Variants in NBPF19 observed in about 807,000 individuals in gnomAD.
The protein encoded by NBPF19 is NBPF member 19.
A neutral mutation model predicts 45.9 loss-of-function variants in NBPF19; 30 were observed. The ratio of observed to expected loss-of-function variants is 0.65; its 90% CI spans 0.49 to 0.89. The LOEUF (loss-of-function observed/expected upper bound fraction) is 0.89, where lower values mean the gene tolerates loss of function less well. Among genes scored for constraint, NBPF19 ranks in the 40% least tolerant of loss-of-function variants. NBPF19 has a pLI of 0.00. For missense variants in NBPF19, 495 were observed against 471.8 expected (o/e 1.05, Z -0.46); for synonymous variants, 183 against 181.2 (o/e 1.01, Z -0.08).
At chr1:149,479,890 T>A (rs2085071243) in intron 4 of NBPF19, among the ~76,000 whole-genome samples, 1 of 150,846 alleles carries the variant, frequency 6.6e-6, no homozygotes, top group Admixed American at 6.6e-5. Flanking sequence ...TGCACAAGCC[T>A]CCAGTGATAT....
intron 8 of NBPF19, among the ~76,000 whole-genome samples, chr1:149,486,513 G>C (rs1480576733): frequency 6.6e-6 from 1 of 151,326 alleles, no homozygotes; most frequent in Non-Finnish European, 1.5e-5. Context: ...GGCCATGCCT[G>C]TGCCAACCTG....
chr1:149,528,935 TTCTC>T (rs1201885403), intron 61 of NBPF19, among the ~76,000 whole-genome samples: 167 of 121,028 alleles, frequency 1.4e-3, no homozygotes, highest in South Asian at 2.6e-3. Flanking sequence ...ACTGAGCTCG[TTCTC>T]TCTCTCTGTG....
At chr1:149,479,401 G>A (rs1165542013) in intron 4 of NBPF19, among the ~76,000 whole-genome samples, 18 of 150,490 alleles carry the variant, frequency 1.2e-4, no homozygotes, top group African/African-American at 4.4e-4. Context: ...AGTGAAAAGA[G>A]CTCTGGGCTA....
chr1:149,554,525 G>T lies in NBPF19; in HGVS notation c.11319G>T (p.Glu3773Asp). The T allele has an allele frequency of 2.5e-6, 4 of 1,608,222 alleles. No homozygotes were observed. Among genetic ancestry groups the T allele is most frequent in the Non-Finnish European group, 3.4e-6 (4 of 1,176,714 alleles). ...ACAGCGTGCTGATGGAAGTGGAAGA[G>T]CCTGAAGTCTTACAGGACTCACTGG... ...RLNSVLMEVE[E>D]PEVLQDSLDG... Residue 3773 changes from glutamate (E) to aspartate (D), a missense_variant, in exon 94 of 94, where the codon GAG becomes GAT. Glu to Asp is a conservative substitution (Grantham distance 45, BLOSUM62 2). Coordinates refer to ENST00000651566, the MANE Select transcript of NBPF19 (RefSeq NM_001351365.2).
chr1:149,478,453 C>A (rs1328397985), intron 3 of NBPF19, among the ~76,000 whole-genome samples: 4 of 151,212 alleles, frequency 2.6e-5, no homozygotes, highest in East Asian at 1.9e-4. Flanking sequence ...TGACCCTGTC[C>A]TTCTTTTCTT....
At chr1:149,484,484 C>T (rs2085394245) in intron 7 of NBPF19, among the ~76,000 whole-genome samples, 1 of 144,082 alleles carries the variant, frequency 6.9e-6, no homozygotes, top group Non-Finnish European at 1.5e-5. Context: ...TACCCTAAGA[C>T]TTAAAGTATT....
In NBPF19 at chr1:149,478,004, G is replaced by T; in HGVS notation, c.235G>T (p.Glu79Ter). 6.6e-7 allele frequency: 1 copy of T among 1,520,612 alleles called. No homozygotes were observed. The highest frequency in any genetic ancestry group is 9.1e-7 in the Non-Finnish European group (1 of 1,103,018). 94.2% of individuals were successfully genotyped at this position (1,520,612 alleles called of 1,614,324 possible). Residue 79 changes from glutamate to a stop codon, truncating the protein, a stop_gained, in exon 3 of 94, where the codon GAG (glutamate) becomes TAG (stop). Transcript: ENST00000651566. LOFTEE classifies it high-confidence loss of function. Reference protein sequence around the residue: ...FMLRNERQFKEEKLAEQLKQA... With the variant: ...FMLRNERQFK ...GCTGAGGAATGAGCGACAGTTCAAG[G>T]AGGAGAAGCTTGCAGAGCAGCTGAA...
rs2087194436 is a variant in NBPF19 at position 149,554,498 on chromosome 1, C to T, written c.11292C>T (p.Leu3764=). 5.0e-6 allele frequency: 8 copies of T among 1,608,080 alleles called. No individual in the cohort carries two copies. Among genetic ancestry groups the T allele is most frequent in the East Asian group, 2.2e-5 (1 of 44,844 alleles). The stretch of plus-strand genomic sequence containing the variant: ...TTAGTTTTGTCTCCTTTTCCAGGCT[C>T]AACAGCGTGCTGATGGAAGTGGAAG... The part of the protein sequence containing the change: ...EEDQNPPCPR[L]NSVLMEVEEP... The change falls in exon 94 of 94, where the codon CTC becomes CTT. Residue 3764 remains leucine, a synonymous_variant. Coordinates refer to ENST00000651566, the MANE Select transcript of NBPF19 (RefSeq NM_001351365.2).
chr1:149,484,487 A>C (rs1301358151), intron 7 of NBPF19, among the ~76,000 whole-genome samples: 1 of 146,096 alleles, frequency 6.8e-6, no homozygotes, highest in Non-Finnish European at 1.5e-5. Flanking sequence ...CCTAAGACTT[A>C]AAGTATTAAA....
At chr1:149,487,802 TG>T (rs2085681864) in intron 9 of NBPF19, among the ~76,000 whole-genome samples, 5 of 149,206 alleles carry the variant, frequency 3.4e-5, no homozygotes, top group African/African-American at 1.2e-4. Context: ...TGTGTGTGTG[TG>T]TGTGTGTGTG....
intron 2 of NBPF19, among the ~76,000 whole-genome samples, chr1:149,477,388 G>A (rs2084906537): frequency 6.6e-6 from 1 of 150,962 alleles, no homozygotes; most frequent in Non-Finnish European, 1.5e-5. Context: ...AAAGTATTTG[G>A]GCATATTTCC....
intron 19 of NBPF19, among the ~76,000 whole-genome samples, chr1:149,495,678 TGC>T (rs1320477111): frequency 6.8e-5 from 3 of 44,264 alleles, no homozygotes. Context: ...TGTGTGTGTG[TGC>T]GTGTGTGTGT....
rs1285007548 is a variant in NBPF19 at position 149,555,121 on chromosome 1, G to C, written c.*383G>C. ...TTAGCTCATCCAAAGGTGTTACCCT[G>C]GTTTCAATGAACCTAACCTCATTCT... On this transcript the variant is annotated 3_prime_UTR_variant, in exon 94 of 94. Coordinates refer to ENST00000651566, the MANE Select transcript of NBPF19 (RefSeq NM_001351365.2). 3.5e-6 allele frequency: 1 copy of C among 286,034 alleles called. No individual in the cohort carries two copies. The highest frequency in any genetic ancestry group is 6.7e-6 in the Non-Finnish European group (1 of 149,522). The allele number at this position is 286,034 out of a possible 1,614,324, so 17.7% of individuals were successfully genotyped here.
chr1:149,487,563 C>A (rs1377171026), intron 9 of NBPF19, among the ~76,000 whole-genome samples, 180 bp downstream of exon 9: 1 of 151,016 alleles, frequency 6.6e-6, no homozygotes, highest in East Asian at 2.0e-4. Context: ...TTTCTTCCTA[C>A]CCTTATCATT....
rs2085594026 is a variant in NBPF19, at chr1:149,487,317, T to G, written c.989-15T>G. On this transcript the variant is annotated splice_polypyrimidine_tract_variant and intron_variant, in intron 8 of 93. Transcript: ENST00000651566. Reference sequence around the variant, plus strand: ...AGAACTTAATGTAAGAGGGCCCATCTGAATTTATTTGCAGGACATCGCTGG... The same window carrying G: ...AGAACTTAATGTAAGAGGGCCCATCGGAATTTATTTGCAGGACATCGCTGG... 1 of 1,559,492 alleles carries G rather than the reference T, an allele frequency of 6.4e-7. No homozygotes were observed. Among genetic ancestry groups the G allele is most frequent in the African/African-American group, 1.4e-5 (1 of 73,690 alleles).
rs2087248700 is a variant in NBPF19, at chr1:149,556,355, A to T, written c.*1617A>T. On this transcript the variant is annotated 3_prime_UTR_variant, in exon 94 of 94. Coordinates refer to ENST00000651566, the MANE Select transcript of NBPF19 (RefSeq NM_001351365.2). ...TGATGTGAATTAATAAAAACATTTCATTTCCATGTTTATTTTCTAATCTCT... is the reference window on the plus strand; with the variant it reads ...TGATGTGAATTAATAAAAACATTTCTTTTCCATGTTTATTTTCTAATCTCT... The T allele has an allele frequency of 2.0e-5, 3 of 150,174 alleles. No individual in the cohort carries two copies. The highest frequency in any genetic ancestry group is 7.3e-5 in the African/African-American group (3 of 40,950). 9.3% of individuals were successfully genotyped at this position (150,174 alleles called of 1,614,324 possible).
chr1:149,515,191 G>C, intron 44 of NBPF19, 83 bp downstream of exon 44: 1 of 630,752 alleles, frequency 1.6e-6, no homozygotes, highest in Non-Finnish European at 2.8e-6. Flanking sequence ...GGCCATTACT[G>C]AGCTGAGAGA....
chr1:149,528,931 C>T (rs1472453015), intron 61 of NBPF19, among the ~76,000 whole-genome samples: 2 of 129,286 alleles, frequency 1.5e-5, no homozygotes, highest in Middle Eastern at 4.8e-3. Flanking sequence ...ATTCACTGAG[C>T]TCGTTCTCTC....
chr1:149,478,746 A>G, intron 3 of NBPF19, 134 bp from the exon 4 acceptor site: 1 of 1,053,498 alleles, frequency 9.5e-7, no homozygotes, highest in Non-Finnish European at 1.5e-6. Context: ...GGCCACAGTC[A>G]TTCCTTTCAA....
Sources: allele counts gnomAD v4.1 joint callset (sites outside exome capture counted in the v4.1 genomes callset), GRCh38; gene constraint gnomAD v4.1.1; transcripts MANE v1.5; gene names NCBI Gene and HGNC (gene_info 2026-07-23, HGNC 2026-07-21).